Variants in IMMP1L observed in about 807,000 individuals in gnomAD.
IMMP1L encodes the protein mitochondrial inner membrane protease subunit 1.
A neutral mutation model predicts 21.8 loss-of-function variants in IMMP1L; 24 were observed. The observed-to-expected ratio is 1.10, with a 90% CI of 0.80 to 1.55. IMMP1L has a LOEUF of 1.55. Among genes scored for constraint, IMMP1L ranks in the 40% most tolerant of loss-of-function variants. The probability of loss-of-function intolerance (pLI) is 0.00; values close to 1 mark genes in which losing one functional copy is unlikely to be tolerated. For missense variants in IMMP1L, 195 were observed against 200.7 expected (o/e 0.97, Z 0.17); for synonymous variants, 46 against 62.8 (o/e 0.73, Z 1.26).
intron 3 of IMMP1L, among the ~76,000 whole-genome samples, chr11:31,459,050 A>C (rs959037925): frequency 6.6e-6 from 1 of 152,194 alleles, no homozygotes; most frequent in African/African-American, 2.4e-5. Flanking sequence ...TATAAGGATA[A>C]TTTGATATAA....
chr11:31,439,460 C>G (rs898839833), intron 4 of IMMP1L, among the ~76,000 whole-genome samples: 13 of 152,182 alleles, frequency 8.5e-5, no homozygotes, highest in African/African-American at 3.1e-4. Flanking sequence ...TTCATCTCCT[C>G]TAGATCCTCA....
intron 4 of IMMP1L, chr11:31,452,917 A>C: frequency 1.6e-6 from 1 of 618,248 alleles, no homozygotes; most frequent in Non-Finnish European, 2.3e-6. Flanking sequence ...CGCCTGGCTA[A>C]TTTTTTGCAT....
At chr11:31,493,623 T>G (rs1276074210) in intron 1 of IMMP1L, among the ~76,000 whole-genome samples, 2 of 152,120 alleles carry the variant, frequency 1.3e-5, no homozygotes, top group South Asian at 2.1e-4. Context: ...ATTCCAGAAT[T>G]AACCCAAAAG....
At chr11:31,500,254 C>T (rs1955575799) in intron 1 of IMMP1L, among the ~76,000 whole-genome samples, 1 of 151,896 alleles carries the variant, frequency 6.6e-6, no homozygotes, top group Admixed American at 6.6e-5. Context: ...TGGTCCTTCA[C>T]TTATCAACAT....
chr11:31,489,544 A>G (rs552320930), intron 1 of IMMP1L, among the ~76,000 whole-genome samples: 2 of 152,252 alleles, frequency 1.3e-5, no homozygotes, highest in African/African-American at 4.8e-5. Flanking sequence ...TTAATCTTCT[A>G]CCCTTTAGCA....
chr11:31,497,244 G>T (rs1341017144), intron 1 of IMMP1L, among the ~76,000 whole-genome samples: 2 of 151,600 alleles, frequency 1.3e-5, no homozygotes, highest in African/African-American at 4.8e-5. Flanking sequence ...ATAAAAAAAT[G>T]AAGTTTTAAT....
chr11:31,508,717 T>G (rs1955875083), intron 1 of IMMP1L, among the ~76,000 whole-genome samples: 1 of 152,204 alleles, frequency 6.6e-6, no homozygotes, highest in African/African-American at 2.4e-5. Flanking sequence ...AACTCAGTAG[T>G]GCGGTAATGA....
At chr11:31,453,073 A>G (rs1564976567) in intron 4 of IMMP1L, 2 of 1,289,266 alleles carry the variant, frequency 1.6e-6, no homozygotes, top group Non-Finnish European at 2.0e-6. Context: ...CTTAATAGGA[A>G]CTGCTTAGTT....
intron 3 of IMMP1L, among the ~76,000 whole-genome samples, chr11:31,459,971 AC>A (rs1954080157): frequency 6.6e-6 from 1 of 152,064 alleles, no homozygotes; most frequent in African/African-American, 2.4e-5. Context: ...AGCCTGGGCA[AC>A]ATGGCGAAAC....
At chr11:31,444,134 C>T (rs941302705) in intron 4 of IMMP1L, among the ~76,000 whole-genome samples, 1 of 152,130 alleles carries the variant, frequency 6.6e-6, no homozygotes, top group Non-Finnish European at 1.5e-5. Flanking sequence ...GCTTTGCATA[C>T]TAGTTAAGCA....
chr11:31,442,909 A>C (rs774404090), intron 4 of IMMP1L, among the ~76,000 whole-genome samples: 2 of 152,202 alleles, frequency 1.3e-5, no homozygotes, highest in Non-Finnish European at 2.9e-5. Context: ...TTCATTTTGC[A>C]TGTTTCAAAG....
intron 1 of IMMP1L, among the ~76,000 whole-genome samples, chr11:31,504,158 C>A (rs1165068916): frequency 6.6e-6 from 1 of 151,908 alleles, no homozygotes; most frequent in African/African-American, 2.4e-5. Flanking sequence ...AGATCATCTT[C>A]GAAATTTTGG....
At chr11:31,449,025 ATGAT>A (rs1246976669) in intron 4 of IMMP1L, 92 of 984,780 alleles carry the variant, frequency 9.3e-5, no homozygotes, top group Non-Finnish European at 1.1e-4. Context: ...GCAGTATGCC[ATGAT>A]TGATTATCCT....
intron 1 of IMMP1L, among the ~76,000 whole-genome samples, chr11:31,485,075 A>AT (rs1377407758): frequency 6.6e-6 from 1 of 151,898 alleles, no homozygotes; most frequent in Admixed American, 6.6e-5. Context: ...TCAATAGTTT[A>AT]TAAATGGATA....
chr11:31,443,748 T>C (rs17633448), intron 4 of IMMP1L, among the ~76,000 whole-genome samples: 40,767 of 152,084 alleles, frequency 0.27, 5,721 homozygotes, highest in African/African-American at 0.34. Context: ...ATCTACATCA[T>C]TGCTGGGAAC....
At position 31,468,256 on chromosome 11, in the gene IMMP1L, G is replaced by A. The variant is rs955118429; in HGVS notation, c.-29-4951C>T. Among the ~76,000 whole-genome samples the A allele has an allele frequency of 3.3e-5, 5 of 152,194 alleles. No individual in the cohort carries two copies. In the East Asian group the frequency reaches 7.7e-4, roughly 23 times the overall value. On this transcript the variant is annotated intron_variant, in intron 1 of 5. Coordinates refer to ENST00000532287, the MANE Select transcript of IMMP1L (RefSeq NM_001304274.2). ...GTTAAATTTCTTAACAATATGCTAC[G>A]TAGGAGAATGACCTTGTTCATAGGA...
At chr11:31,478,863 T>A (rs1484881030) in intron 1 of IMMP1L, among the ~76,000 whole-genome samples, 1 of 152,092 alleles carries the variant, frequency 6.6e-6, no homozygotes, top group East Asian at 1.9e-4. Context: ...TAAATTGTAA[T>A]TCAAGGTTTT....
chr11:31,466,241 T>A (rs1272081648), intron 1 of IMMP1L, among the ~76,000 whole-genome samples: 1 of 152,008 alleles, frequency 6.6e-6, no homozygotes, highest in Admixed American at 6.6e-5. Flanking sequence ...TTGATTATTA[T>A]CAAAAAAGAC....
intron 1 of IMMP1L, among the ~76,000 whole-genome samples, chr11:31,498,729 G>C (rs1955528343): frequency 6.6e-6 from 1 of 152,146 alleles, no homozygotes; most frequent in South Asian, 2.1e-4. Flanking sequence ...GTGAATCCTA[G>C]ATCTTCCACT....
Sources: gnomAD v4.1 joint callset for allele counts (sites outside exome capture counted in the v4.1 genomes callset) on GRCh38, gnomAD v4.1.1 for gene constraint, MANE v1.5 for transcripts, NCBI Gene and HGNC (gene_info 2026-07-23, HGNC 2026-07-21) for gene names.